Variants in SNX29 observed in about 807,000 individuals in gnomAD.
SNX29 encodes the protein sorting nexin-29.
SNX29 carries 78 observed loss-of-function variants against 102.1 expected under a neutral mutation model. That is an observed-to-expected ratio of 0.76 (90% CI 0.64 to 0.92). The LOEUF (loss-of-function observed/expected upper bound fraction) is 0.92, where lower values mean the gene tolerates loss of function less well. SNX29 is among the 40% of genes least tolerant of loss of function. The pLI is 0.00. For synonymous variants in SNX29, 580 were observed against 414.5 expected, an observed-to-expected ratio of 1.40 and a Z score of -4.85; for missense variants, 1,280 against 1,061.7, an observed-to-expected ratio of 1.21 and a Z score of -2.86.
chr16:11,993,200 T>C (rs1226689581), intron 1 of SNX29, among the ~76,000 whole-genome samples: 1 of 130,286 alleles, frequency 7.7e-6, no homozygotes. Flanking sequence ...TAAATAAATA[T>C]CTGTGTGGCC....
rs559404941 is a variant in SNX29 at position 12,524,792 on chromosome 16, G to T, written c.2269G>T (p.Ala757Ser). ...AGTCATCCAGATGGTCCCCGAGTTC[G>T]CTGCCAGCCCCAAGAAGGAGACCCT... ...NKVIQMVPEF[A>S]ASPKKETLIQ... Residue 757 changes from alanine (A) to serine (S), a missense_variant, in exon 20 of 21, where the codon GCT (alanine) becomes TCT (serine). Transcript: ENST00000566228. 1.9e-6 allele frequency: 3 copies of T among 1,613,618 alleles called. No homozygotes were observed. Among genetic ancestry groups the T allele is most frequent in the Non-Finnish European group, 2.5e-6 (3 of 1,179,760 alleles).
At chr16:12,563,604 C>G (rs1007466163) in intron 20 of SNX29, among the ~76,000 whole-genome samples, 1 of 89,280 alleles carries the variant, frequency 1.1e-5, no homozygotes, top group African/African-American at 3.2e-5. Context: ...GTCTGTATCA[C>G]CACATCTCAC....
intron 15 of SNX29, among the ~76,000 whole-genome samples, chr16:12,344,131 G>A (rs1201121224): frequency 6.6e-6 from 1 of 152,136 alleles, no homozygotes; most frequent in East Asian, 1.9e-4. Flanking sequence ...TTCGCCTTCT[G>A]CCAGATTGGG....
At chr16:12,413,749 G>T (rs1457271767) in intron 18 of SNX29, among the ~76,000 whole-genome samples, 2 of 152,216 alleles carry the variant, frequency 1.3e-5, no homozygotes, top group African/African-American at 4.8e-5. Flanking sequence ...CAGGCGCCCT[G>T]CCCCGCACTT....
Position 12,477,798 on chromosome 16 carries a change from A to G in SNX29, c.2117A>G (p.Gln706Arg). 6.2e-7 allele frequency: 1 copy of G among 1,613,654 alleles called. No individual in the cohort carries two copies. Among genetic ancestry groups the G allele is most frequent in the Non-Finnish European group, 8.5e-7 (1 of 1,179,752 alleles). Residue 706 changes from glutamine to arginine, a missense_variant, in exon 19 of 21, where the codon CAA becomes CGA. Coordinates refer to ENST00000566228, the MANE Select transcript of SNX29 (RefSeq NM_032167.5). ...TTCAGGAGTTTGCACCACAAGTTAC[A>G]AAACAAGTACCCTCAAGTGAGGGCC... ...TEFRSLHHKL[Q>R]NKYPQVRAYN...
chr16:12,513,289 C>T (rs1198159114), intron 19 of SNX29, among the ~76,000 whole-genome samples: 1 of 149,624 alleles, frequency 6.7e-6, no homozygotes, highest in East Asian at 2.0e-4. Flanking sequence ...CTCCCCAGCC[C>T]TCCTGCCTTG....
At chr16:12,541,376 G>T (rs576030740) in intron 20 of SNX29, among the ~76,000 whole-genome samples, 1 of 152,302 alleles carries the variant, frequency 6.6e-6, no homozygotes, top group African/African-American at 2.4e-5. Flanking sequence ...TATGAGGGCA[G>T]TTACCATGTG....
intron 13 of SNX29, among the ~76,000 whole-genome samples, chr16:12,193,762 C>T (rs1230490421): frequency 1.3e-5 from 2 of 152,166 alleles, no homozygotes; most frequent in Non-Finnish European, 2.9e-5. Flanking sequence ...TGTCCTTTCT[C>T]CAGAAGCGCC....
rs988315719 is a variant in SNX29, at chr16:12,554,768, T to C, written c.2319-13738T>C. On this transcript the variant is annotated intron_variant, in intron 20 of 20. Transcript: ENST00000566228. Reference sequence around the variant, plus strand: ...CTTAAGTGTATTAGAACGTGCTCTCTCCCCCGCCATAGAATGCAATTGTTT... The same window carrying C: ...CTTAAGTGTATTAGAACGTGCTCTCCCCCCCGCCATAGAATGCAATTGTTT... Among the ~76,000 whole-genome samples, 33 of 151,980 alleles carry C rather than the reference T, an allele frequency of 2.2e-4. No individual in the cohort carries two copies. The East Asian group carries it at 4.7e-3, about 21-fold the overall frequency.
chr16:12,545,979 C>G (rs142385013), intron 20 of SNX29, among the ~76,000 whole-genome samples: 1 of 152,256 alleles, frequency 6.6e-6, no homozygotes, highest in East Asian at 1.9e-4. Flanking sequence ...CTTCAGTGGG[C>G]ACTGTAGTTT....
chr16:12,420,791 C>A (rs2084842342), intron 18 of SNX29, among the ~76,000 whole-genome samples: 1 of 152,182 alleles, frequency 6.6e-6, no homozygotes, highest in African/African-American at 2.4e-5. Context: ...GCATGAGTCA[C>A]CAAGCTCATG....
At chr16:12,133,822 CTCAGAAAAGTGAGATAT>C (rs146811972) in intron 13 of SNX29, among the ~76,000 whole-genome samples, 1 of 152,336 alleles carries the variant, frequency 6.6e-6, no homozygotes, top group East Asian at 1.9e-4. Flanking sequence ...CTATCTCCTA[CTCAGAAAAGTGAGATAT>C]TCGAATGCTA....
intron 18 of SNX29, among the ~76,000 whole-genome samples, chr16:12,442,635 G>T (rs1458682340): frequency 1.3e-5 from 2 of 151,446 alleles, no homozygotes; most frequent in Non-Finnish European, 2.9e-5. Context: ...CCCAGACCCA[G>T]GCTGGAGCGC....
At chr16:12,154,602 A>G (rs1300881164) in intron 13 of SNX29, among the ~76,000 whole-genome samples, 1 of 152,244 alleles carries the variant, frequency 6.6e-6, no homozygotes, top group Non-Finnish European at 1.5e-5. Context: ...CACCCACAGC[A>G]GGTGACCGGC....
At chr16:12,568,163 T>A (rs945291014) in intron 20 of SNX29, among the ~76,000 whole-genome samples, 7 of 152,190 alleles carry the variant, frequency 4.6e-5, no homozygotes, top group Non-Finnish European at 1.0e-4. Context: ...AGCGTACCTT[T>A]GCTGGAAAAT....
At chr16:12,399,647 C>T (rs1156274574) in intron 17 of SNX29, among the ~76,000 whole-genome samples, 1 of 152,034 alleles carries the variant, frequency 6.6e-6, no homozygotes, top group Non-Finnish European at 1.5e-5. Context: ...GCGAACCTTG[C>T]AGAGCTTGTG....
At chr16:12,371,861 T>C (rs1025364321) in intron 16 of SNX29, among the ~76,000 whole-genome samples, 2 of 152,228 alleles carry the variant, frequency 1.3e-5, no homozygotes, top group African/African-American at 4.8e-5. Context: ...TTTCGTCTGC[T>C]CTTTCTCCAC....
At chr16:12,205,988 A>T (rs910052262) in intron 14 of SNX29, among the ~76,000 whole-genome samples, 1 of 152,184 alleles carries the variant, frequency 6.6e-6, no homozygotes, top group African/African-American at 2.4e-5. Context: ...AGCTGTGGAG[A>T]GCCTAGTAGT....
rs2079827206 is a variant in SNX29, at chr16:12,292,358, GA to G, written c.1782+14325del. 1.3e-5 allele frequency among the ~76,000 whole-genome samples: 2 copies of G among 152,176 alleles called. 1 individual carries two copies. The highest frequency in any genetic ancestry group is 4.1e-4 in the South Asian group (2 of 4,820). On this transcript the variant is annotated intron_variant, in intron 15 of 20. Coordinates refer to ENST00000566228, the MANE Select transcript of SNX29 (RefSeq NM_032167.5). ...TGCTACAATTAATGTTTCTTTTTCT[GA>G]AAGTGGTAGGATTGGAAAGTTCTCC...
Sources: gnomAD v4.1 joint callset for allele counts (sites outside exome capture counted in the v4.1 genomes callset) on GRCh38, gnomAD v4.1.1 for gene constraint, MANE v1.5 for transcripts, NCBI Gene and HGNC (gene_info 2026-07-23, HGNC 2026-07-21) for gene names.